Variants in CNTN5 observed in about 807,000 individuals in gnomAD.
CNTN5 encodes contactin-5.
CNTN5 carries 77 observed loss-of-function variants against 129.1 expected under a neutral mutation model. The ratio of observed to expected loss-of-function variants is 0.60; its 90% CI spans 0.50 to 0.72. The LOEUF (loss-of-function observed/expected upper bound fraction) is 0.72, where lower values mean the gene tolerates loss of function less well. CNTN5 is among the 30% of genes least tolerant of loss of function. The probability of loss-of-function intolerance (pLI) is 0.00; values close to 1 mark genes in which losing one functional copy is unlikely to be tolerated. For synonymous variants in CNTN5, 509 were observed against 465.6 expected, an observed-to-expected ratio of 1.09 and a Z score of -1.20; for missense variants, 1,478 against 1,328.8, an observed-to-expected ratio of 1.11 and a Z score of -1.75.
At chr11:99,134,281 G>A (rs1026389929) in intron 1 of CNTN5, among the ~76,000 whole-genome samples, 3 of 152,028 alleles carry the variant, frequency 2.0e-5, no homozygotes, top group Non-Finnish European at 4.4e-5. Context: ...GGGCATTAGG[G>A]AAAAGAGCTA....
chr11:99,442,108 A>G (rs796606873), intron 2 of CNTN5, among the ~76,000 whole-genome samples: 1 of 152,142 alleles, frequency 6.6e-6, no homozygotes, highest in South Asian at 2.1e-4. Context: ...ATTTGAGTGC[A>G]TGCCTTGCTA....
At chr11:99,298,357 G>A (rs552527412) in intron 1 of CNTN5, among the ~76,000 whole-genome samples, 2 of 152,270 alleles carry the variant, frequency 1.3e-5, no homozygotes, top group South Asian at 2.1e-4. Context: ...CAGAAATAGC[G>A]AGACTGATTA....
intron 15 of CNTN5, among the ~76,000 whole-genome samples, chr11:100,197,394 G>T (rs1948667395): frequency 6.6e-6 from 1 of 151,958 alleles, no homozygotes; most frequent in Non-Finnish European, 1.5e-5. Context: ...AGCAGGGATT[G>T]GCTAGTTTGT....
chr11:100,254,448 T>G (rs1950027928), intron 16 of CNTN5, among the ~76,000 whole-genome samples: 1 of 152,190 alleles, frequency 6.6e-6, no homozygotes, highest in South Asian at 2.1e-4. Flanking sequence ...GAAAAAATTG[T>G]CATTTCTTCT....
intron 3 of CNTN5, among the ~76,000 whole-genome samples, chr11:99,731,769 C>G (rs1943542424): frequency 6.6e-6 from 1 of 152,104 alleles, no homozygotes; most frequent in African/African-American, 2.4e-5. Context: ...TGCCTTAGAA[C>G]TTTCTATACT....
At chr11:100,211,490 AT>A (rs563493037) in intron 15 of CNTN5, among the ~76,000 whole-genome samples, 4 of 151,200 alleles carry the variant, frequency 2.6e-5, no homozygotes, top group East Asian at 1.9e-4. Context: ...AAAAGTGGGG[AT>A]TTTTTTTTAC....
At chr11:99,498,736 T>C (rs1946321660) in intron 2 of CNTN5, among the ~76,000 whole-genome samples, 1 of 152,214 alleles carries the variant, frequency 6.6e-6, no homozygotes, top group Non-Finnish European at 1.5e-5. Context: ...GGAAAAATGA[T>C]GCCTCAGTTT....
intron 13 of CNTN5, among the ~76,000 whole-genome samples, chr11:100,093,263 GA>G (rs1265242266): frequency 6.6e-6 from 1 of 151,908 alleles, no homozygotes; most frequent in African/African-American, 2.4e-5. Context: ...GATCACTTCT[GA>G]AAAATGCACT....
intron 2 of CNTN5, among the ~76,000 whole-genome samples, chr11:99,410,292 TAAG>T (rs890082664): frequency 6.6e-6 from 1 of 152,190 alleles, no homozygotes; most frequent in Non-Finnish European, 1.5e-5. Context: ...TATAAAATTA[TAAG>T]AAGGTCCTTT....
At chr11:99,566,472 T>C (rs961379436) in intron 3 of CNTN5, among the ~76,000 whole-genome samples, 4 of 152,210 alleles carry the variant, frequency 2.6e-5, no homozygotes, top group African/African-American at 9.6e-5. Context: ...TTCATCTCTT[T>C]TCCCAGCGTG....
intron 16 of CNTN5, among the ~76,000 whole-genome samples, chr11:100,239,364 T>A (rs1255076540): frequency 6.6e-6 from 1 of 152,094 alleles, no homozygotes; most frequent in African/African-American, 2.4e-5. Flanking sequence ...AGGTCATAGT[T>A]CAAGGGTACT....
chr11:99,193,699 C>G (rs1243105622), intron 1 of CNTN5, among the ~76,000 whole-genome samples: 4 of 152,122 alleles, frequency 2.6e-5, no homozygotes, highest in Non-Finnish European at 5.9e-5. Flanking sequence ...GATGAAAAAA[C>G]AACCCATGGG....
intron 2 of CNTN5, among the ~76,000 whole-genome samples, chr11:99,487,242 A>G (rs1469467172): frequency 6.6e-6 from 1 of 152,222 alleles, no homozygotes; most frequent in Non-Finnish European, 1.5e-5. Context: ...TGACACATTA[A>G]TTAAAGGGTA....
At chr11:99,809,458 C>T (rs151026601) in intron 3 of CNTN5, among the ~76,000 whole-genome samples, 33 of 152,122 alleles carry the variant, frequency 2.2e-4, no homozygotes, top group African/African-American at 7.0e-4. Flanking sequence ...AATCATTTCA[C>T]GTTAAATAAA....
At chr11:99,951,596 C>A (rs1433925942) in intron 7 of CNTN5, among the ~76,000 whole-genome samples, 1 of 152,120 alleles carries the variant, frequency 6.6e-6, no homozygotes, top group Non-Finnish European at 1.5e-5. Flanking sequence ...AATTTAATAT[C>A]CCTTATCTCT....
chr11:99,322,493 G>A (rs568541348), intron 1 of CNTN5, among the ~76,000 whole-genome samples: 19 of 152,146 alleles, frequency 1.2e-4, no homozygotes, highest in Admixed American at 3.3e-4. Context: ...GGTGGCAAGC[G>A]GTCATTTGAA....
intron 3 of CNTN5, among the ~76,000 whole-genome samples, chr11:99,743,749 A>C (rs1326473841): frequency 6.6e-6 from 1 of 152,168 alleles, no homozygotes; most frequent in Non-Finnish European, 1.5e-5. Context: ...AAAATCATAA[A>C]TGTAAATAAC....
At chr11:99,473,552 G>A (rs1945254972) in intron 2 of CNTN5, among the ~76,000 whole-genome samples, 2 of 149,048 alleles carry the variant, frequency 1.3e-5, no homozygotes, top group Admixed American at 6.6e-5. Context: ...TTACTGAAGT[G>A]ATTTTTTTTT....
intron 3 of CNTN5, among the ~76,000 whole-genome samples, chr11:99,705,817 C>T (rs1954730986): frequency 2.0e-5 from 3 of 151,294 alleles, no homozygotes; most frequent in Non-Finnish European, 3.0e-5. Context: ...TGGTACTGTG[C>T]TAGATGATGA....
Sources: gnomAD v4.1 joint callset for allele counts (sites outside exome capture counted in the v4.1 genomes callset) on GRCh38, gnomAD v4.1.1 for gene constraint, MANE v1.5 for transcripts, NCBI Gene and HGNC (gene_info 2026-07-23, HGNC 2026-07-21) for gene names.